ITPR1: variants seen among roughly 807,000 people sequenced by gnomAD.
The protein encoded by ITPR1 is inositol 1,4,5-trisphosphate receptor type 1.
Under a neutral mutation model 318.4 loss-of-function variants are expected in ITPR1, and 96 were observed. The ratio of observed to expected loss-of-function variants is 0.30; its 90% CI spans 0.26 to 0.36. The LOEUF is 0.36. ITPR1 is among the 10% of genes least tolerant of loss of function. ITPR1 has a pLI of 1.00. For synonymous variants in ITPR1, 1,312 were observed against 1,289.9 expected, an observed-to-expected ratio of 1.02 and a Z score of -0.37; for missense variants, 2,440 against 3,460.2, an observed-to-expected ratio of 0.71 and a Z score of 7.40.
At chr3:4,583,137 G>A (rs1211864915) in intron 4 of ITPR1, among the ~76,000 whole-genome samples, 1 of 152,144 alleles carries the variant, frequency 6.6e-6, no homozygotes, top group Non-Finnish European at 1.5e-5. Flanking sequence ...GCTACAACAG[G>A]AAATTGGATT....
At chr3:4,717,332 T>C in intron 39 of ITPR1, 35 bp from the exon 40 acceptor site, 2 of 1,546,178 alleles carry the variant, frequency 1.3e-6, no homozygotes, top group Non-Finnish European at 1.8e-6. Flanking sequence ...TTCCTAACAT[T>C]TCCTTCTCTC....
rs775595139 is a variant in ITPR1 at position 4,658,108 on chromosome 3, G to C, written c.997-16G>C. ...TGGCATGCATGGTTCTTGATTTGGT[G>C]ACTTTACCTCCTCAGGTGGACCCTG... is the stretch of plus-strand genomic sequence containing the variant. On this transcript the variant is annotated splice_polypyrimidine_tract_variant and intron_variant, in intron 12 of 61. Transcript: ENST00000649015. The C allele has an allele frequency of 1.9e-6, 3 of 1,598,176 alleles. No individual in the cohort carries two copies. In the East Asian group the frequency reaches 6.7e-5, roughly 36 times the overall value.
chr3:4,543,001 T>C (rs2084614035), intron 4 of ITPR1, among the ~76,000 whole-genome samples: 1 of 152,234 alleles, frequency 6.6e-6, no homozygotes, highest in African/African-American at 2.4e-5. Flanking sequence ...TGCTCCTTTT[T>C]TTGTCTCACT....
intron 4 of ITPR1, among the ~76,000 whole-genome samples, chr3:4,597,101 C>G (rs2090889537): frequency 6.6e-6 from 1 of 152,206 alleles, no homozygotes; most frequent in African/African-American, 2.4e-5. Flanking sequence ...TGCTGCCATG[C>G]AGAAATATGA....
chr3:4,622,742 C>G (rs2092689750), intron 4 of ITPR1, among the ~76,000 whole-genome samples: 1 of 152,160 alleles, frequency 6.6e-6, no homozygotes, highest in Non-Finnish European at 1.5e-5. Context: ...TAATTGAATC[C>G]AAGAATGAAC....
chr3:4,513,017 T>C (rs1409369646), intron 2 of ITPR1, among the ~76,000 whole-genome samples: 1 of 152,154 alleles, frequency 6.6e-6, no homozygotes, highest in Non-Finnish European at 1.5e-5. Context: ...TGGCGCCAGC[T>C]CTGTTTTCTC....
chr3:4,573,254 C>CT (rs1235717412), intron 4 of ITPR1, among the ~76,000 whole-genome samples: 1 of 152,124 alleles, frequency 6.6e-6, no homozygotes, highest in Non-Finnish European at 1.5e-5. Context: ...ACCTTGGAGT[C>CT]TTTTTTTGGC....
At position 4,766,847 on chromosome 3, in the gene ITPR1, T is replaced by C. The variant is rs150746437; in HGVS notation, c.5725+137T>C. 51 of 652,320 alleles carry C rather than the reference T, an allele frequency of 7.8e-5. No individual in the cohort carries two copies. In the African/African-American group the frequency reaches 7.9e-4, roughly 10 times the overall value. The allele number at this position is 652,320 out of a possible 1,614,324, so 40.4% of individuals were successfully genotyped here. A position where few individuals can be genotyped will look rare whatever the true frequency, so the allele number is the denominator to read the frequency against. On this transcript the variant is annotated intron_variant, in intron 45 of 61. Coordinates refer to ENST00000649015, the MANE Select transcript of ITPR1 (RefSeq NM_001378452.1). ...TTCAGAAGAAATGCCAGCCTGGTTATGATGTAATTCTTCCTCAGTGACCTG... is the reference window on the plus strand; with the variant it reads ...TTCAGAAGAAATGCCAGCCTGGTTACGATGTAATTCTTCCTCAGTGACCTG...
At chr3:4,522,605 G>A (rs998523365) in intron 4 of ITPR1, among the ~76,000 whole-genome samples, 5 of 152,174 alleles carry the variant, frequency 3.3e-5, no homozygotes, top group Non-Finnish European at 7.4e-5. Context: ...TGCCTCCACC[G>A]CCTTTTTCTT....
intron 51 of ITPR1, among the ~76,000 whole-genome samples, chr3:4,785,204 C>CT (rs2047105481): frequency 6.6e-6 from 1 of 152,232 alleles, no homozygotes; most frequent in Admixed American, 6.5e-5. Context: ...CTCAGAGAGA[C>CT]TGTGTCACTT....
At chr3:4,704,109 C>T (rs961823841) in intron 36 of ITPR1, among the ~76,000 whole-genome samples, 1 of 152,066 alleles carries the variant, frequency 6.6e-6, no homozygotes, top group African/African-American at 2.4e-5. Context: ...GGGGGAAAAG[C>T]GTTGAAAAAC....
chr3:4,662,915 C>T lies in ITPR1; in HGVS notation c.1413-150C>T, dbSNP rs927778182. ...TTTGTGTCTTTCACTCTCTTTGATA[C>T]TTGGCTTCTGTTGTCAGTTTCAAAG... On this transcript the variant is annotated intron_variant, in intron 15 of 61. Transcript: ENST00000649015. 44 of 597,880 alleles carry T rather than the reference C, an allele frequency of 7.4e-5. No homozygotes were observed. The East Asian group carries it at 9.2e-4, about 13-fold the overall frequency. The allele number at this position is 597,880 out of a possible 1,614,324, so 37.0% of individuals were successfully genotyped here.
intron 55 of ITPR1, among the ~76,000 whole-genome samples, chr3:4,808,953 G>A (rs1023304390): frequency 6.6e-6 from 1 of 152,188 alleles, no homozygotes; most frequent in African/African-American, 2.4e-5. Flanking sequence ...ATGAAAATGT[G>A]CAAAGTTCAT....
chr3:4,722,714 G>C (rs2042248255), intron 40 of ITPR1, among the ~76,000 whole-genome samples: 1 of 151,482 alleles, frequency 6.6e-6, no homozygotes. Flanking sequence ...TACCGACTTA[G>C]ATACCATGTA....
chr3:4,580,958 C>G (rs985797453), intron 4 of ITPR1, among the ~76,000 whole-genome samples: 1 of 152,118 alleles, frequency 6.6e-6, no homozygotes, highest in Non-Finnish European at 1.5e-5. Context: ...CGTTAGGTGC[C>G]AGAGCAGTTA....
intron 4 of ITPR1, among the ~76,000 whole-genome samples, chr3:4,542,683 C>T (rs1338809204): frequency 9.1e-5 from 5 of 54,734 alleles, no homozygotes; most frequent in Admixed American, 2.3e-4. Flanking sequence ...TTGTGTGTGG[C>T]GGGGGGGTGG....
intron 40 of ITPR1, among the ~76,000 whole-genome samples, chr3:4,718,888 A>G (rs956611668): frequency 2.6e-5 from 4 of 151,970 alleles, no homozygotes; most frequent in African/African-American, 9.7e-5. Flanking sequence ...ACCCTTTAAG[A>G]CTCTTGTTTC....
intron 2 of ITPR1, among the ~76,000 whole-genome samples, chr3:4,513,091 C>T (rs1472030039): frequency 6.6e-6 from 1 of 152,162 alleles, no homozygotes; most frequent in Admixed American, 6.5e-5. Context: ...TAGAAGTTCA[C>T]AGGCACAAAT....
intron 56 of ITPR1, among the ~76,000 whole-genome samples, chr3:4,811,704 C>T (rs1259777715): frequency 6.6e-6 from 1 of 152,160 alleles, no homozygotes; most frequent in East Asian, 1.9e-4. Context: ...ATCTTTTAAA[C>T]TAGTGCAACT....
Sources: allele counts gnomAD v4.1 joint callset (sites outside exome capture counted in the v4.1 genomes callset), GRCh38; gene constraint gnomAD v4.1.1; transcripts MANE v1.5; gene names NCBI Gene and HGNC (gene_info 2026-07-23, HGNC 2026-07-21).